The following ASIC2 variants were observed in gnomAD, a reference collection of about 807,000 sequenced individuals.
ASIC2 encodes the protein acid sensing ion channel subunit 2, also known as acid-sensing ion channel 2.
Under a neutral mutation model 57.3 loss-of-function variants are expected in ASIC2, and 25 were observed. That is an observed-to-expected ratio of 0.44 (90% CI 0.32 to 0.61). ASIC2 has a LOEUF of 0.61. Ranked by LOEUF, ASIC2 falls within the 20% of genes least tolerant of loss-of-function variation. The probability of loss-of-function intolerance (pLI) is 0.06; values close to 1 mark genes in which losing one functional copy is unlikely to be tolerated. For synonymous variants in ASIC2, 319 were observed against 307.5 expected (o/e 1.04, Z -0.39); for missense variants, 641 against 738.1 (o/e 0.87, Z 1.52).
At chr17:34,100,465 C>A (rs1910823820) in intron 1 of ASIC2, among the ~76,000 whole-genome samples, 1 of 152,164 alleles carries the variant, frequency 6.6e-6, no homozygotes, top group Non-Finnish European at 1.5e-5. Context: ...ACATTGTATT[C>A]ATTCCGCTTG....
chr17:33,299,152 C>G (rs1371580965), intron 1 of ASIC2, among the ~76,000 whole-genome samples: 4 of 152,188 alleles, frequency 2.6e-5, no homozygotes, highest in Admixed American at 6.5e-5. Flanking sequence ...GCGAAAAGAA[C>G]AAAGCTGGAG....
At chr17:33,577,642 A>G (rs1916670589) in intron 1 of ASIC2, among the ~76,000 whole-genome samples, 1 of 152,182 alleles carries the variant, frequency 6.6e-6, no homozygotes, top group Non-Finnish European at 1.5e-5. Flanking sequence ...CAGCAAATGA[A>G]CAACAGTGGA....
intron 1 of ASIC2, among the ~76,000 whole-genome samples, chr17:33,418,799 G>C (rs965770702): frequency 9.2e-5 from 14 of 152,124 alleles, no homozygotes; most frequent in African/African-American, 3.4e-4. Context: ...CGTGTCCTTT[G>C]CAGGGACCCG....
chr17:33,091,859 A>G (rs1055493870), intron 2 of ASIC2, among the ~76,000 whole-genome samples: 3 of 152,240 alleles, frequency 2.0e-5, no homozygotes, highest in Non-Finnish European at 2.9e-5. Context: ...GTGCTGCCCA[A>G]CATGGTAGGT....
chr17:33,685,056 A>G (rs1908137747), intron 1 of ASIC2, among the ~76,000 whole-genome samples: 1 of 152,190 alleles, frequency 6.6e-6, no homozygotes, highest in Non-Finnish European at 1.5e-5. Flanking sequence ...CCTTGAAGCA[A>G]GAAAGTCCTG....
chr17:33,296,550 T>C (rs895950701), upstream of ASIC2, among the ~76,000 whole-genome samples: 1 of 152,190 alleles, frequency 6.6e-6, no homozygotes, highest in Non-Finnish European at 1.5e-5. Context: ...TAGGAAAATT[T>C]CCCTTGTTTA....
At chr17:33,444,634 G>GGGTAGTGTAT (rs879615332) in intron 1 of ASIC2, among the ~76,000 whole-genome samples, 4 of 114,086 alleles carry the variant, frequency 3.5e-5, no homozygotes, top group Non-Finnish European at 5.8e-5. Flanking sequence ...GGGTAGTGTA[G>GGGTAGTGTAT]GGATAGGACA....
At chr17:33,952,097 C>A (rs1341446073) in intron 1 of ASIC2, among the ~76,000 whole-genome samples, 1 of 152,080 alleles carries the variant, frequency 6.6e-6, no homozygotes, top group African/African-American at 2.4e-5. Flanking sequence ...CCCATGATAT[C>A]TTCAAATTGC....
chr17:34,048,004 A>G (rs1206237007), intron 1 of ASIC2, among the ~76,000 whole-genome samples: 1 of 152,194 alleles, frequency 6.6e-6, no homozygotes, highest in Non-Finnish European at 1.5e-5. Context: ...GACCCTTTCA[A>G]AAACAGGGAG....
At chr17:33,227,895 T>A (rs1311629079) in intron 1 of ASIC2, among the ~76,000 whole-genome samples, 1 of 152,130 alleles carries the variant, frequency 6.6e-6, no homozygotes, top group Non-Finnish European at 1.5e-5. Context: ...GAAAGGTGCA[T>A]ATGTGACTCT....
intron 1 of ASIC2, among the ~76,000 whole-genome samples, chr17:34,089,597 A>T (rs536944647): frequency 1.3e-5 from 2 of 152,208 alleles, no homozygotes; most frequent in Non-Finnish European, 2.9e-5. Flanking sequence ...GGACAAATGC[A>T]GGATTGATTC....
At chr17:33,923,427 T>G (rs948264419) in intron 1 of ASIC2, among the ~76,000 whole-genome samples, 1 of 152,152 alleles carries the variant, frequency 6.6e-6, no homozygotes, top group African/African-American at 2.4e-5. Context: ...ATTTTACAGA[T>G]GGAAATAAAA....
chr17:34,151,497 G>A (rs979635930), intron 1 of ASIC2, among the ~76,000 whole-genome samples: 1 of 152,194 alleles, frequency 6.6e-6, no homozygotes, highest in South Asian at 2.1e-4. Flanking sequence ...CTGGCGTGGG[G>A]AGAGGGGCTG....
At chr17:33,251,811 G>A (rs558330830) in intron 1 of ASIC2, among the ~76,000 whole-genome samples, 1 of 152,284 alleles carries the variant, frequency 6.6e-6, no homozygotes, top group South Asian at 2.1e-4. Flanking sequence ...TGTATTCAAA[G>A]ACTGTGCTCT....
intron 1 of ASIC2, among the ~76,000 whole-genome samples, chr17:33,584,095 A>G (rs1490133732): frequency 6.6e-6 from 1 of 152,122 alleles, no homozygotes; most frequent in African/African-American, 2.4e-5. Flanking sequence ...TTATTTTTCC[A>G]TTTATTTGAT....
chr17:33,472,499 C>T (rs1913088432), intron 1 of ASIC2, among the ~76,000 whole-genome samples: 1 of 152,190 alleles, frequency 6.6e-6, no homozygotes, highest in African/African-American at 2.4e-5. Flanking sequence ...AGTCATTATA[C>T]AGCTAGGAGC....
intron 1 of ASIC2, among the ~76,000 whole-genome samples, chr17:34,040,470 G>C (rs976629746): frequency 2.0e-5 from 3 of 149,802 alleles, no homozygotes; most frequent in Non-Finnish European, 3.0e-5. Flanking sequence ...AAGGTGGGGG[G>C]GGTCCCCGCT....
intron 2 of ASIC2, among the ~76,000 whole-genome samples, chr17:33,095,973 T>C (rs2092177357): frequency 6.6e-6 from 1 of 152,212 alleles, no homozygotes; most frequent in Non-Finnish European, 1.5e-5. Context: ...GGGCCACTTA[T>C]ACCCGGCAGT....
chr17:33,707,936 C>T (rs1279881466), intron 1 of ASIC2, among the ~76,000 whole-genome samples: 1 of 152,162 alleles, frequency 6.6e-6, no homozygotes, highest in African/African-American at 2.4e-5. Flanking sequence ...CTGTAAAGGG[C>T]TAGAGGACTT....
Sources: allele counts gnomAD v4.1 joint callset (sites outside exome capture counted in the v4.1 genomes callset), GRCh38; gene constraint gnomAD v4.1.1; transcripts MANE v1.5; gene names NCBI Gene and HGNC (gene_info 2026-07-23, HGNC 2026-07-21).